Variants in ESR2 observed in about 807,000 individuals in gnomAD.
ESR2 encodes estrogen receptor beta.
Under a neutral mutation model 49.6 loss-of-function variants are expected in ESR2, and 36 were observed. That is an observed-to-expected ratio of 0.73 (90% CI 0.56 to 0.96). ESR2 has a LOEUF of 0.96. Among genes scored for constraint, ESR2 ranks in the 40% least tolerant of loss-of-function variants. The pLI is 0.00. For synonymous variants in ESR2, 320 were observed against 266.1 expected (o/e 1.20, Z -1.97); for missense variants, 714 against 693.0 (o/e 1.03, Z -0.34).
chr14:64,274,128 G>A (rs75784653), intron 3 of ESR2, among the ~76,000 whole-genome samples: 1 of 125,588 alleles, frequency 8.0e-6, no homozygotes, highest in Non-Finnish European at 1.7e-5. Context: ...TTTTTTTTTT[G>A]TAGAGATAGG....
rs1437507923 is a variant in ESR2, at chr14:64,246,758, A to C, written c.1225+2788T>G. 6.1e-5 allele frequency among the ~76,000 whole-genome samples: 9 copies of C among 148,656 alleles called. No homozygotes were observed. The South Asian group carries it at 6.4e-4, about 11-fold the overall frequency. On this transcript the variant is annotated intron_variant, in intron 7 of 8. Coordinates refer to ENST00000341099, the MANE Select transcript of ESR2 (RefSeq NM_001437.3). ...TCAAAAAAAAAAAAAAAAAAAAAAA[A>C]AAAAAAAAACACACCTGGCTGGACT...
At chr14:64,327,574 T>C (rs1440584518) in intron 1 of ESR2, among the ~76,000 whole-genome samples, 1 of 152,066 alleles carries the variant, frequency 6.6e-6, no homozygotes, top group East Asian at 1.9e-4. Flanking sequence ...CGGGCTCCTG[T>C]AATCCCAGCT....
chr14:64,325,551 C>T (rs1341568423), intron 1 of ESR2, among the ~76,000 whole-genome samples: 3 of 151,906 alleles, frequency 2.0e-5, no homozygotes, highest in Admixed American at 6.6e-5. Context: ...ATGAATATTC[C>T]ACCTTTTATT....
chr14:64,267,669 G>A (rs1295836166), intron 4 of ESR2, among the ~76,000 whole-genome samples: 1 of 151,288 alleles, frequency 6.6e-6, no homozygotes, highest in Non-Finnish European at 1.5e-5. Flanking sequence ...GAGGTCAGGA[G>A]ATCGAGACCA....
chr14:64,334,995 T>C (rs2077510930), intron 1 of ESR2, among the ~76,000 whole-genome samples: 1 of 152,184 alleles, frequency 6.6e-6, no homozygotes, highest in Non-Finnish European at 1.5e-5. Flanking sequence ...TGTGTAGGGT[T>C]TTTTCCTAAA....
chr14:64,232,589 GA>G lies in ESR2; in HGVS notation c.*547del, dbSNP rs2098728279. The G allele has an allele frequency of 6.6e-6, 1 of 152,588 alleles. No homozygotes were observed. The highest frequency in any genetic ancestry group is 2.4e-5 in the African/African-American group (1 of 41,458). The allele number at this position is 152,588 out of a possible 1,614,324, so 9.5% of individuals were successfully genotyped here. A position where few individuals can be genotyped will look rare whatever the true frequency, so the allele number is the denominator to read the frequency against. ...ACCACAGTCCCTCTGGCCTTTGACA[GA>G]ATAAGCATCATATGATATGATCAGT... On this transcript the variant is annotated 3_prime_UTR_variant, in exon 9 of 9. Transcript: ENST00000341099.
intron 1 of ESR2, among the ~76,000 whole-genome samples, chr14:64,317,123 G>A (rs1339744732): frequency 7.9e-5 from 12 of 151,756 alleles, no homozygotes; most frequent in African/African-American, 2.9e-4. Context: ...AAAATTAGCC[G>A]GGTGTGGTGG....
chr14:64,247,737 C>A (rs2075894598), intron 7 of ESR2, among the ~76,000 whole-genome samples: 1 of 152,054 alleles, frequency 6.6e-6, no homozygotes, highest in African/African-American at 2.4e-5. Flanking sequence ...GGCTTAGACA[C>A]CAGGTAGATC....
intron 4 of ESR2, among the ~76,000 whole-genome samples, chr14:64,261,240 T>C: frequency 1.8e-5 from 1 of 54,348 alleles, no homozygotes; most frequent in East Asian, 4.7e-4. Context: ...TTCTTTTTTC[T>C]TTTTTTTTTT....
chr14:64,226,933 T>G (rs934065764), downstream of ESR2: 3 of 152,446 alleles, frequency 2.0e-5, no homozygotes, highest in African/African-American at 7.2e-5. Context: ...TCAACTGATC[T>G]GCCCACCTCG....
Position 64,303,227 on chromosome 14 carries a change from GCT to G in ESR2, c.-90-20154_-90-20153del, listed in dbSNP as rs2077048582. ...CCTCGCCAGAAGGGAGCTCACAGGT[GCT>G]CAGGTCGGCTTCTTTTTTCAAACAA... On this transcript the variant is annotated intron_variant, in intron 1 of 8. Transcript: ENST00000358599. 6.6e-5 allele frequency among the ~76,000 whole-genome samples: 10 copies of G among 152,344 alleles called. 1 individual carries two copies. The South Asian group carries it at 2.1e-3, about 32-fold the overall frequency.
rs1242298356 is a variant in ESR2, at chr14:64,230,642, A to G, written c.*2495T>C. Among the ~76,000 whole-genome samples, 2 of 151,986 alleles carry G rather than the reference A, an allele frequency of 1.3e-5. No individual in the cohort carries two copies. The highest frequency in any genetic ancestry group is 1.9e-4 in the East Asian group (1 of 5,182). Reference sequence around the variant, plus strand: ...TCCCTTCAAGACTATTTTAGGGTCAAGTCTTTTGTAGTCAGTCCTGGTGGG... The same window carrying G: ...TCCCTTCAAGACTATTTTAGGGTCAGGTCTTTTGTAGTCAGTCCTGGTGGG... On this transcript the variant is annotated 3_prime_UTR_variant, in exon 9 of 9. Transcript: ENST00000341099.
chr14:64,254,164 A>G (rs2076049921), intron 6 of ESR2, among the ~76,000 whole-genome samples: 1 of 152,204 alleles, frequency 6.6e-6, no homozygotes, highest in Non-Finnish European at 1.5e-5. Flanking sequence ...GGCAACTGTT[A>G]GTTGTATTCA....
At chr14:64,278,739 G>T (rs2076606728) in intron 3 of ESR2, among the ~76,000 whole-genome samples, 1 of 152,162 alleles carries the variant, frequency 6.6e-6, no homozygotes. Context: ...CACATGCAGG[G>T]AGATGAGCTG....
rs920045838 is a variant in ESR2, at chr14:64,232,417, C to T, written c.*720G>A. Reference sequence around the variant, plus strand: ...TCCAGAAGCAGCGAGATTTGTATCTCCCACAGTCCTGCATGAAAATGATCA... The same window carrying T: ...TCCAGAAGCAGCGAGATTTGTATCTTCCACAGTCCTGCATGAAAATGATCA... On this transcript the variant is annotated 3_prime_UTR_variant, in exon 9 of 9. Transcript: ENST00000341099. 1 of 152,286 alleles carries T rather than the reference C, an allele frequency of 6.6e-6. No homozygotes were observed. The highest frequency in any genetic ancestry group is 1.5e-5 in the Non-Finnish European group (1 of 68,070). 9.4% of individuals were successfully genotyped at this position (152,286 alleles called of 1,614,324 possible). A position where few individuals can be genotyped will look rare whatever the true frequency, so the allele number is the denominator to read the frequency against.
intron 6 of ESR2, among the ~76,000 whole-genome samples, chr14:64,256,625 A>G (rs566883747): frequency 1.3e-5 from 2 of 152,284 alleles, no homozygotes; most frequent in East Asian, 3.9e-4. Context: ...ACTACTTGAG[A>G]GGCTGAGGCA....
chr14:64,271,061 T>A (rs958641780), intron 3 of ESR2, among the ~76,000 whole-genome samples: 23 of 152,206 alleles, frequency 1.5e-4, no homozygotes, highest in African/African-American at 5.5e-4. Context: ...TTTCAAACAA[T>A]AACATCTCTA....
intron 1 of ESR2, among the ~76,000 whole-genome samples, chr14:64,285,659 C>G (rs1378266519): frequency 6.6e-6 from 1 of 151,906 alleles, no homozygotes; most frequent in East Asian, 1.9e-4. Context: ...GAAACACCAT[C>G]TTCACTAAAA....
intron 1 of ESR2, among the ~76,000 whole-genome samples, chr14:64,316,217 G>T (rs2077253690): frequency 6.8e-6 from 1 of 146,160 alleles, no homozygotes; most frequent in Admixed American, 6.9e-5. Context: ...TCACTCTATT[G>T]CCCAGGCTGG....
Sources: allele counts gnomAD v4.1 joint callset (sites outside exome capture counted in the v4.1 genomes callset), GRCh38; gene constraint gnomAD v4.1.1; transcripts MANE v1.5; gene names NCBI Gene and HGNC (gene_info 2026-07-23, HGNC 2026-07-21).